The following SLC14A2 variants were observed in gnomAD, a reference collection of about 807,000 sequenced individuals.
SLC14A2 encodes the protein urea transporter 2.
SLC14A2 carries 91 observed loss-of-function variants against 104.6 expected under a neutral mutation model. That is an observed-to-expected ratio of 0.87 (90% CI 0.73 to 1.04). SLC14A2 has a LOEUF of 1.04. Among genes scored for constraint, SLC14A2 ranks in the 50% least tolerant of loss-of-function variants. The pLI is 0.00. For synonymous variants in SLC14A2, 476 were observed against 466.4 expected (o/e 1.02, Z -0.27); for missense variants, 1,189 against 1,156.0 (o/e 1.03, Z -0.41).
intron 19 of SLC14A2, among the ~76,000 whole-genome samples, chr18:45,679,503 C>T (rs1393840289): frequency 1.3e-5 from 2 of 152,218 alleles, no homozygotes; most frequent in African/African-American, 4.8e-5. Context: ...CTGGGAACCC[C>T]TTCCTCATCT....
chr18:45,476,939 C>T (rs1598883545), intron 1 of SLC14A2, among the ~76,000 whole-genome samples: 2 of 152,278 alleles, frequency 1.3e-5, no homozygotes, highest in South Asian at 2.1e-4. Flanking sequence ...GCTTCTTTAG[C>T]TTGGAGGAGT....
Position 45,592,590 on chromosome 18 carries a change from GC to G in SLC14A2, c.-34-32039del, listed in dbSNP as rs559375058. On this transcript the variant is annotated intron_variant, in intron 2 of 20. Coordinates refer to the SLC14A2 transcript ENST00000586448. ...CTAGTCCCCAGAGCTCTGCTTCACA[GC>G]CAAAACACACTGTATTATATTCCTA... 4.6e-5 allele frequency among the ~76,000 whole-genome samples: 7 copies of G among 152,336 alleles called. No individual in the cohort carries two copies. In the East Asian group the frequency reaches 9.6e-4, roughly 21 times the overall value.
At chr18:45,381,946 G>T (rs1328002752) in intron 1 of SLC14A2, among the ~76,000 whole-genome samples, 1 of 151,974 alleles carries the variant, frequency 6.6e-6, no homozygotes, top group Admixed American at 6.5e-5. Context: ...CAATGGGCTG[G>T]GCTGAAAAAC....
chr18:45,275,190 TGAG>T (rs2084689891), intron 1 of SLC14A2, among the ~76,000 whole-genome samples: 1 of 152,084 alleles, frequency 6.6e-6, no homozygotes, highest in South Asian at 2.1e-4. Flanking sequence ...TCGACAAAAA[TGAG>T]TAATAATGAA....
intron 2 of SLC14A2, among the ~76,000 whole-genome samples, chr18:45,536,871 C>T (rs543726920): frequency 1.3e-5 from 2 of 152,216 alleles, no homozygotes; most frequent in Non-Finnish European, 2.9e-5. Flanking sequence ...CTGGTCTCAG[C>T]AGGGCCTGTC....
chr18:45,246,326 C>T (rs1389028979), intron 1 of SLC14A2, among the ~76,000 whole-genome samples: 2 of 152,080 alleles, frequency 1.3e-5, no homozygotes, highest in South Asian at 2.1e-4. Context: ...TTTCTGTAGT[C>T]TAAGCCACCC....
At chr18:45,248,117 T>C (rs923157747) in intron 1 of SLC14A2, among the ~76,000 whole-genome samples, 2 of 152,134 alleles carry the variant, frequency 1.3e-5, no homozygotes, top group African/African-American at 2.4e-5. Flanking sequence ...TTTAGATTTG[T>C]GCAGTAAATG....
chr18:45,619,014 C>G (rs1300160326), intron 1 of SLC14A2, among the ~76,000 whole-genome samples: 2 of 152,150 alleles, frequency 1.3e-5, no homozygotes, highest in African/African-American at 2.4e-5. Context: ...TTTTTCTAAC[C>G]ATTGGAAGAA....
upstream of SLC14A2, among the ~76,000 whole-genome samples, chr18:45,209,027 T>TAA (rs199687506): frequency 2.8e-5 from 4 of 144,352 alleles, no homozygotes; most frequent in African/African-American, 7.8e-5. Context: ...AACAGGCATT[T>TAA]AAAAAAAAAA....
chr18:45,184,937 G>C, the SLC14A2 span, among the ~76,000 whole-genome samples: 1 of 152,166 alleles, frequency 6.6e-6, no homozygotes, highest in African/African-American at 2.4e-5. Context: ...AAATACAGTA[G>C]GTTCAGGTTT....
the SLC14A2 span, among the ~76,000 whole-genome samples, chr18:45,189,877 C>T: frequency 2.8e-4 from 42 of 151,848 alleles, no homozygotes; most frequent in African/African-American, 9.9e-4. Flanking sequence ...GCAGTCCCAT[C>T]CCTAGGGCAG....
intron 1 of SLC14A2, among the ~76,000 whole-genome samples, chr18:45,240,258 G>A (rs1355250364): frequency 1.3e-5 from 2 of 151,014 alleles, no homozygotes; most frequent in African/African-American, 2.4e-5. Flanking sequence ...CACCACACCC[G>A]GCTAATTTTT....
At chr18:45,399,851 G>A (rs949126616) in intron 1 of SLC14A2, among the ~76,000 whole-genome samples, 6 of 151,994 alleles carry the variant, frequency 3.9e-5, no homozygotes, top group African/African-American at 1.2e-4. Flanking sequence ...AGAGCCAAGG[G>A]ACAAAGCCAC....
intron 2 of SLC14A2, among the ~76,000 whole-genome samples, chr18:45,578,609 A>G (rs72904493): frequency 0.087 from 13,186 of 152,180 alleles, 768 homozygotes; most frequent in Non-Finnish European, 0.13. Context: ...GGCTTTCCAT[A>G]TTGGAATACA....
At chr18:45,462,936 T>G (rs2087072016) in intron 1 of SLC14A2, among the ~76,000 whole-genome samples, 1 of 152,230 alleles carries the variant, frequency 6.6e-6, no homozygotes, top group South Asian at 2.1e-4. Context: ...GACACCATTA[T>G]GATGATTTCT....
At chr18:45,440,098 A>C (rs1321998684) in intron 1 of SLC14A2, among the ~76,000 whole-genome samples, 2 of 152,210 alleles carry the variant, frequency 1.3e-5, no homozygotes, top group African/African-American at 4.8e-5. Context: ...TGATCAAATC[A>C]TGATCTAATG....
rs563863018 is a variant in SLC14A2, at chr18:45,224,012, TA to T, written c.-125+10823del. 3.7e-3 allele frequency among the ~76,000 whole-genome samples: 564 copies of T among 152,334 alleles called. 2 individuals carry two copies. Among genetic ancestry groups the T allele is most frequent in the Middle Eastern group, 0.027 (8 of 294 alleles). ...AATTCCTTTCCTTCTTTAAAAAAAT[TA>T]ATAAGAGCATGTTTTCATCTGGCCT... is the stretch of plus-strand genomic sequence containing the variant. On this transcript the variant is annotated intron_variant, in intron 1 of 20. Transcript: ENST00000586448.
chr18:45,570,969 T>C (rs2044337164), intron 2 of SLC14A2, among the ~76,000 whole-genome samples: 1 of 152,160 alleles, frequency 6.6e-6, no homozygotes, highest in Non-Finnish European at 1.5e-5. Context: ...TTATGATGAA[T>C]GGAGGAAAGA....
chr18:45,586,622 C>T (rs551561012), intron 2 of SLC14A2, among the ~76,000 whole-genome samples: 71 of 152,256 alleles, frequency 4.7e-4, no homozygotes, highest in African/African-American at 1.5e-3. Context: ...CTGCCCAGGC[C>T]GTGACTGCTT....
Sources: allele counts gnomAD v4.1 joint callset (sites outside exome capture counted in the v4.1 genomes callset), GRCh38; gene constraint gnomAD v4.1.1; transcripts MANE v1.5; gene names NCBI Gene and HGNC (gene_info 2026-07-23, HGNC 2026-07-21).